Variants in SLC12A1 observed in about 807,000 individuals in gnomAD.
SLC12A1 encodes the protein Na-K-2Cl cotransporter.
SLC12A1 carries 89 observed loss-of-function variants against 130.4 expected under a neutral mutation model. The observed-to-expected ratio is 0.68, with a 90% confidence interval of 0.58 to 0.81. The LOEUF (loss-of-function observed/expected upper bound fraction) is 0.81, where lower values mean the gene tolerates loss of function less well. Among genes scored for constraint, SLC12A1 ranks in the 40% least tolerant of loss-of-function variants. SLC12A1 has a pLI of 0.00. For missense variants in SLC12A1, 1,310 were observed against 1,336.4 expected, an observed-to-expected ratio of 0.98 and a Z score of 0.31; for synonymous variants, 499 against 460.0, an observed-to-expected ratio of 1.08 and a Z score of -1.09.
At chr15:48,267,500 A>T in intron 17 of SLC12A1, 61 bp from the exon 18 acceptor site, 1 of 1,584,162 alleles carries the variant, frequency 6.3e-7, no homozygotes, top group Non-Finnish European at 8.6e-7. Flanking sequence ...TCCTTTAGAA[A>T]ACAACAGCAA....
chr15:48,242,634 T>A (rs553599991), intron 10 of SLC12A1, among the ~76,000 whole-genome samples: 1 of 151,880 alleles, frequency 6.6e-6, no homozygotes, highest in South Asian at 2.1e-4. Flanking sequence ...GAGACCCCAT[T>A]CCTACAAAAA....
At chr15:48,232,630 A>T in intron 7 of SLC12A1, 97 bp from the exon 8 acceptor site, 5 of 788,236 alleles carry the variant, frequency 6.3e-6, no homozygotes. Context: ...GAAATATCAG[A>T]TAGAGTCTTT....
rs369557656 is a variant in SLC12A1 at position 48,208,144 on chromosome 15, G to A, written c.420+5G>A. 7 of 1,564,810 alleles carry A rather than the reference G, an allele frequency of 4.5e-6. No homozygotes were observed. The highest frequency in any genetic ancestry group is 5.2e-6 in the Non-Finnish European group (6 of 1,156,632). ...ATTCACGAGCAACTCGCAAAGGTAA[G>A]CTTGAAGGACACAAGCAAGTCTCCT... On this transcript the variant is annotated splice_donor_5th_base_variant and intron_variant, in intron 2 of 26. Transcript: ENST00000380993.
intron 10 of SLC12A1, among the ~76,000 whole-genome samples, chr15:48,244,106 A>C (rs1372646807): frequency 1.3e-5 from 2 of 152,200 alleles, no homozygotes; most frequent in Admixed American, 1.3e-4. Context: ...ATAGTAGAAA[A>C]TGACAGATAC....
chr15:48,274,081 T>G (rs758211272), intron 19 of SLC12A1, among the ~76,000 whole-genome samples: 5 of 152,152 alleles, frequency 3.3e-5, no homozygotes, highest in Non-Finnish European at 5.9e-5. Context: ...AATGACCGGT[T>G]TAGAGTCAAT....
At chr15:48,290,578 T>C (rs925998193) in intron 23 of SLC12A1, among the ~76,000 whole-genome samples, 1 of 152,198 alleles carries the variant, frequency 6.6e-6, no homozygotes, top group South Asian at 2.1e-4. Flanking sequence ...GCTATGCCGT[T>C]ACAACAGCTA....
In SLC12A1 at chr15:48,303,877, G is replaced by A. The variant is rs1287459530; in HGVS notation, c.*992G>A. The stretch of plus-strand genomic sequence containing the variant: ...ATTAAAATGTGAAGTTGAAAAACTT[G>A]TAAAATTTGGAATATACAGATACTG... On this transcript the variant is annotated 3_prime_UTR_variant, in exon 27 of 27. Transcript: ENST00000380993. 2 of 152,164 alleles carry A rather than the reference G, an allele frequency of 1.3e-5. No homozygotes were observed. Among genetic ancestry groups the A allele is most frequent in the Admixed American group, 6.5e-5 (1 of 15,284 alleles). 9.4% of individuals were successfully genotyped at this position (152,164 alleles called of 1,614,324 possible).
chr15:48,239,713 C>A (rs2041480377), intron 9 of SLC12A1, among the ~76,000 whole-genome samples: 2 of 151,670 alleles, frequency 1.3e-5, no homozygotes, highest in Admixed American at 1.3e-4. Context: ...TGCGGTGGCA[C>A]AATCTCGGCT....
chr15:48,276,820 G>A (rs1018212677), intron 20 of SLC12A1, among the ~76,000 whole-genome samples: 3 of 152,060 alleles, frequency 2.0e-5, no homozygotes, highest in Admixed American at 2.0e-4. Context: ...AAGAGAAGGA[G>A]AAGTCAGAAA....
intron 6 of SLC12A1, 114 bp from the exon 7 acceptor site, chr15:48,230,279 T>A (rs562793714): frequency 6.1e-6 from 4 of 650,518 alleles, no homozygotes; most frequent in African/African-American, 1.8e-5. Flanking sequence ...TTTTCTATTA[T>A]CCTATATGGC....
chr15:48,212,057 G>C (rs547901760), intron 2 of SLC12A1, among the ~76,000 whole-genome samples: 68 of 152,182 alleles, frequency 4.5e-4, no homozygotes, highest in African/African-American at 1.6e-3. Context: ...TACTTATCTT[G>C]CAAGATGCTT....
At chr15:48,230,041 C>T (rs573625447) in intron 6 of SLC12A1, among the ~76,000 whole-genome samples, 3 of 152,278 alleles carry the variant, frequency 2.0e-5, no homozygotes, top group East Asian at 3.9e-4. Flanking sequence ...GTAAACCATC[C>T]GTTTTTATTC....
intron 11 of SLC12A1, among the ~76,000 whole-genome samples, chr15:48,245,437 G>T (rs974032095): frequency 1.3e-5 from 2 of 151,954 alleles, no homozygotes; most frequent in African/African-American, 4.8e-5. Context: ...CCCCTCTCTG[G>T]TCGCCCCCAG....
chr15:48,302,598 G>A (rs1007033501), intron 26 of SLC12A1, among the ~76,000 whole-genome samples, 152 bp from the exon 27 acceptor site: 3 of 122,008 alleles, frequency 2.5e-5, no homozygotes, highest in Non-Finnish European at 3.2e-5. Flanking sequence ...CCGCAGTCCG[G>A]CCTGGGCGAC....
At position 48,267,711 on chromosome 15, in the gene SLC12A1, C is replaced by A. The variant is rs748848653; in HGVS notation, c.2295+10C>A. 6.2e-7 allele frequency: 1 copy of A among 1,612,792 alleles called. No homozygotes were observed. The highest frequency in any genetic ancestry group is 2.2e-5 in the East Asian group (1 of 44,860). On this transcript the variant is annotated intron_variant, in intron 18 of 26. Transcript: ENST00000380993. ...CCGAAGTCTTCTTCAGGTAAGGCTGCATTGAGGGAATGAGCACAGAGGCAA... is the reference window on the plus strand; with the variant it reads ...CCGAAGTCTTCTTCAGGTAAGGCTGAATTGAGGGAATGAGCACAGAGGCAA...
At chr15:48,237,971 C>A (rs1371128397) in intron 9 of SLC12A1, among the ~76,000 whole-genome samples, 2 of 151,846 alleles carry the variant, frequency 1.3e-5, no homozygotes, top group African/African-American at 4.8e-5. Context: ...TAAGGCCATG[C>A]AGAGGAGAAG....
chr15:48,271,542 C>T (rs2041898637), intron 19 of SLC12A1, among the ~76,000 whole-genome samples: 2 of 148,864 alleles, frequency 1.3e-5, no homozygotes, highest in African/African-American at 5.1e-5. Context: ...AACATATTAA[C>T]AAAAGTACTC....
At chr15:48,212,788 T>C (rs1312167995) in intron 2 of SLC12A1, among the ~76,000 whole-genome samples, 1 of 152,164 alleles carries the variant, frequency 6.6e-6, no homozygotes, top group African/African-American at 2.4e-5. Flanking sequence ...CAAATATTAT[T>C]CTTAAAGAAG....
intron 25 of SLC12A1, 140 bp downstream of exon 25, chr15:48,299,415 G>A: frequency 1.3e-6 from 1 of 776,088 alleles, no homozygotes; most frequent in East Asian, 3.3e-5. Context: ...TTTTTCAAGT[G>A]CTTTTCAATC....
Sources: allele counts gnomAD v4.1 joint callset (sites outside exome capture counted in the v4.1 genomes callset), GRCh38; gene constraint gnomAD v4.1.1; transcripts MANE v1.5; gene names NCBI Gene and HGNC (gene_info 2026-07-23, HGNC 2026-07-21).